Variants in UBE2E1 observed in about 807,000 individuals in gnomAD.
UBE2E1 encodes ubiquitin-conjugating enzyme E2 E1.
In UBE2E1, 6 loss-of-function variants were observed where a neutral mutation model predicts 21.4. The observed-to-expected ratio is 0.28, with a 90% CI of 0.15 to 0.55. The LOEUF is 0.55. Ranked by LOEUF, UBE2E1 falls within the 20% of genes least tolerant of loss-of-function variation. The pLI is 0.93. For synonymous variants in UBE2E1, 87 were observed against 82.7 expected (o/e 1.05, Z -0.28); for missense variants, 142 against 236.5 (o/e 0.60, Z 2.62).
At position 23,885,871 on chromosome 3, in the gene UBE2E1, C is replaced by A. The variant is rs767555057; in HGVS notation, c.204-1696C>A. ...GCAAAACTCCGCCTTAAAAAACAAA[C>A]AAAAAAAACAAAACAAACAAAAAAA... On this transcript the variant is annotated intron_variant, in intron 3 of 5. Coordinates refer to ENST00000306627, the MANE Select transcript of UBE2E1 (RefSeq NM_003341.5). Among the ~76,000 whole-genome samples, 50 of 150,498 alleles carry A rather than the reference C, an allele frequency of 3.3e-4. No individual in the cohort carries two copies. The Middle Eastern group carries it at 0.021, about 63-fold the overall frequency.
chr3:23,813,892 A>T (rs898332504), intron 3 of UBE2E1, among the ~76,000 whole-genome samples: 28 of 152,344 alleles, frequency 1.8e-4, no homozygotes, highest in Admixed American at 3.3e-4. Context: ...GAATTAAGTG[A>T]TATATTAAGT....
chr3:23,866,783 T>A (rs2125316787), intron 3 of UBE2E1, among the ~76,000 whole-genome samples: 1 of 152,382 alleles, frequency 6.6e-6, no homozygotes, highest in Middle Eastern at 3.4e-3. Context: ...GAAATTTAAA[T>A]AACACCTTTT....
Position 23,890,716 on chromosome 3 carries a change from A to T in UBE2E1, c.*110A>T. ...TTGGTAAAGAGTAGGGTATTTCTAT[A>T]ACAGATATTATTCAGTCTTATTTCC... On this transcript the variant is annotated 3_prime_UTR_variant, in exon 6 of 6. Transcript: ENST00000306627. 2 of 916,454 alleles carry T rather than the reference A, an allele frequency of 2.2e-6. No homozygotes were observed. Among genetic ancestry groups the T allele is most frequent in the Non-Finnish European group, 3.1e-6 (2 of 635,942 alleles). 56.8% of individuals were successfully genotyped at this position (916,454 alleles called of 1,614,324 possible).
At chr3:23,817,512 T>G (rs1699555927) in intron 3 of UBE2E1, among the ~76,000 whole-genome samples, 1 of 152,086 alleles carries the variant, frequency 6.6e-6, no homozygotes, top group African/African-American at 2.4e-5. Context: ...ACACACATAT[T>G]TTGAATGGTA....
intron 3 of UBE2E1, among the ~76,000 whole-genome samples, chr3:23,857,927 GCAACCTCTGTCACCCAGGTT>G (rs998144877): frequency 4.5e-4 from 69 of 152,166 alleles, no homozygotes; most frequent in South Asian, 2.1e-3. Flanking sequence ...TCGGCTCACT[GCAACCTCTGTCACCCAGGTT>G]CAACCTCTGT....
rs1394439889 is a variant in UBE2E1, at chr3:23,870,381, C to T, written c.204-17186C>T. ...CAGAGGGAGGGGAATTAGACTCTGC[C>T]TCTTTGAGCAGTTTCAAACAATCTG... On this transcript the variant is annotated intron_variant, in intron 3 of 5. Transcript: ENST00000306627. The surrounding 1 kb of genome is among the most constrained non-coding windows in gnomAD (Gnocchi z 4.2). Among the ~76,000 whole-genome samples the T allele has an allele frequency of 1.3e-5, 2 of 152,176 alleles. No individual in the cohort carries two copies. Among genetic ancestry groups the T allele is most frequent in the Non-Finnish European group, 2.9e-5 (2 of 68,030 alleles).
Position 23,887,736 on chromosome 3 carries a change from C to G in UBE2E1, c.336+37C>G. The G allele has an allele frequency of 6.3e-7, 1 of 1,575,574 alleles. No individual in the cohort carries two copies. The highest frequency in any genetic ancestry group is 8.6e-7 in the Non-Finnish European group (1 of 1,167,158). Reference sequence around the variant, plus strand: ...CCCTGTATGCTCAAATTTACTAATTCCCACAAGAGAGCAACTGTTGAGGTT... The same window carrying G: ...CCCTGTATGCTCAAATTTACTAATTGCCACAAGAGAGCAACTGTTGAGGTT... On this transcript the variant is annotated intron_variant, in intron 4 of 5. Transcript: ENST00000306627. This position sits in a 1 kb window ranked among gnomAD's most constrained non-coding sequence, Gnocchi z 4.4.
At chr3:23,885,472 A>G (rs1324539957) in intron 3 of UBE2E1, among the ~76,000 whole-genome samples, 2 of 152,226 alleles carry the variant, frequency 1.3e-5, no homozygotes, top group East Asian at 1.9e-4. Context: ...CTCTCCCTAC[A>G]TTCCACCTTG....
chr3:23,872,179 C>G (rs577602691), intron 3 of UBE2E1, among the ~76,000 whole-genome samples: 1 of 152,156 alleles, frequency 6.6e-6, no homozygotes, highest in Non-Finnish European at 1.5e-5. Flanking sequence ...GAGACCAGCC[C>G]GGCCAACACA....
intron 3 of UBE2E1, among the ~76,000 whole-genome samples, chr3:23,881,611 A>C (rs1162043669): frequency 6.6e-6 from 1 of 152,194 alleles, no homozygotes; most frequent in East Asian, 1.9e-4. Flanking sequence ...GAGATGACCC[A>C]GTTTAGAGAA....
intron 3 of UBE2E1, among the ~76,000 whole-genome samples, chr3:23,878,493 A>C (rs1700967121): frequency 6.6e-6 from 1 of 152,214 alleles, no homozygotes; most frequent in Non-Finnish European, 1.5e-5. Context: ...GCCCATTAGG[A>C]ACCACGCACA....
At chr3:23,865,145 G>A (rs1700627851) in intron 3 of UBE2E1, among the ~76,000 whole-genome samples, 1 of 152,218 alleles carries the variant, frequency 6.6e-6, no homozygotes, top group Non-Finnish European at 1.5e-5. Flanking sequence ...CTTGGCTGTA[G>A]TCAAGGAGTC....
chr3:23,861,851 C>T (rs1178734262), intron 3 of UBE2E1, among the ~76,000 whole-genome samples: 2 of 152,220 alleles, frequency 1.3e-5, no homozygotes, highest in East Asian at 3.8e-4. Flanking sequence ...TCAATAAAAC[C>T]TCGCACTCAT....
intron 3 of UBE2E1, among the ~76,000 whole-genome samples, chr3:23,813,793 G>A (rs1300066228): frequency 3.3e-5 from 5 of 152,162 alleles, no homozygotes; most frequent in African/African-American, 1.2e-4. Flanking sequence ...TGCCCGCCTT[G>A]GCCTCCCAAA....
chr3:23,855,848 A>C (rs1023981986), intron 3 of UBE2E1, among the ~76,000 whole-genome samples: 6 of 151,992 alleles, frequency 3.9e-5, no homozygotes, highest in African/African-American at 1.4e-4. Flanking sequence ...AAAAATAAAA[A>C]ATAAAAAAAA....
chr3:23,867,097 A>T (rs1433716341), intron 3 of UBE2E1, among the ~76,000 whole-genome samples: 2 of 149,658 alleles, frequency 1.3e-5, no homozygotes, highest in Non-Finnish European at 3.0e-5. Context: ...GTTTGTTTTT[A>T]AATGTATTTC....
intron 4 of UBE2E1, among the ~76,000 whole-genome samples, chr3:23,888,552 ACT>A (rs1701253091): frequency 6.6e-6 from 1 of 152,178 alleles, no homozygotes; most frequent in Non-Finnish European, 1.5e-5. Flanking sequence ...ATCCATGGAC[ACT>A]CGATTATATA....
At chr3:23,811,337 C>G in intron 2 of UBE2E1, 123 bp from the exon 3 acceptor site, 1 of 890,598 alleles carries the variant, frequency 1.1e-6, no homozygotes, top group Non-Finnish European at 1.8e-6. Context: ...TGTGTAGTTC[C>G]TCTTTGCCCA....
chr3:23,882,811 C>T (rs997935919), intron 3 of UBE2E1, among the ~76,000 whole-genome samples: 3 of 152,218 alleles, frequency 2.0e-5, no homozygotes, highest in African/African-American at 7.2e-5. Flanking sequence ...GGGCCAGTGG[C>T]GCCGGCCGGC....
Sources: gnomAD v4.1 joint callset for allele counts (sites outside exome capture counted in the v4.1 genomes callset) on GRCh38, gnomAD v4.1.1 for gene constraint, Gnocchi (gnomAD v3.1) non-coding constraint, MANE v1.5 for transcripts, NCBI Gene and HGNC (gene_info 2026-07-23, HGNC 2026-07-21) for gene names.